The following MRE11 variants were observed in gnomAD, a reference collection of about 807,000 sequenced individuals.
MRE11 encodes the protein MRE11 double strand break repair nuclease.
Under a neutral mutation model 91.7 loss-of-function variants are expected in MRE11, and 62 were observed. The ratio of observed to expected loss-of-function variants is 0.68; its 90% CI spans 0.55 to 0.84. The LOEUF (loss-of-function observed/expected upper bound fraction) is 0.84, where lower values mean the gene tolerates loss of function less well. MRE11 is among the 40% of genes least tolerant of loss of function. The pLI, the probability that MRE11 is intolerant of heterozygous loss-of-function variation, is 0.00. For missense variants in MRE11, 796 were observed against 852.9 expected, an observed-to-expected ratio of 0.93 and a Z score of 0.83; for synonymous variants, 273 against 271.4, an observed-to-expected ratio of 1.01 and a Z score of -0.06.
upstream of MRE11, chr11:94,497,794 A>G (rs1482167718): frequency 1.2e-5 from 4 of 347,388 alleles, no homozygotes; most frequent in Middle Eastern, 7.7e-4. Flanking sequence ...CTTTTATGCA[A>G]TAAACCTTAG....
chr11:94,467,927 A>T (rs772627989), intron 9 of MRE11, 34 bp from the exon 10 acceptor site: 1 of 1,559,464 alleles, frequency 6.4e-7, no homozygotes, highest in Non-Finnish European at 8.8e-7. Context: ...AAAACAACGT[A>T]GTAAACTGAG....
At chr11:94,466,448 T>C (rs781710802) in intron 10 of MRE11, 1 of 525,862 alleles carries the variant, frequency 1.9e-6, no homozygotes, top group South Asian at 1.4e-5. Context: ...GATTACCTAC[T>C]GTGCAACAGA....
chr11:94,494,584 T>C (rs1378603847), upstream of MRE11, among the ~76,000 whole-genome samples: 2 of 152,104 alleles, frequency 1.3e-5, no homozygotes, highest in Non-Finnish European at 2.9e-5. Flanking sequence ...CCCTTTAAGT[T>C]AGGAAACATA....
chr11:94,486,405 C>T (rs1218213128), intron 3 of MRE11, among the ~76,000 whole-genome samples: 1 of 152,126 alleles, frequency 6.6e-6, no homozygotes, highest in African/African-American at 2.4e-5. Context: ...GGAAGAGATA[C>T]CAAATTCAAT....
At chr11:94,486,401 G>C (rs1056383405) in intron 3 of MRE11, among the ~76,000 whole-genome samples, 4 of 152,150 alleles carry the variant, frequency 2.6e-5, no homozygotes, top group Non-Finnish European at 5.9e-5. Context: ...TATGGGAAGA[G>C]ATACCAAATT....
At chr11:94,442,960 T>A (rs1026988864) in intron 16 of MRE11, among the ~76,000 whole-genome samples, 57 of 152,324 alleles carry the variant, frequency 3.7e-4, no homozygotes, top group African/African-American at 1.3e-3. Flanking sequence ...AGACAACATG[T>A]TTGTGAAGCA....
intron 14 of MRE11, among the ~76,000 whole-genome samples, chr11:94,449,558 C>T (rs540850193): frequency 1.3e-5 from 2 of 152,302 alleles, no homozygotes; most frequent in East Asian, 3.9e-4. Flanking sequence ...AGCCACTCTG[C>T]CTTCTTGTTT....
rs138209616 is a variant in MRE11, at chr11:94,456,723, G to C, written c.1501-385C>G. ...ATTGCAAATCACTCTTGTGCACCTT[G>C]CTGCAAGACATCCAGGAGGCTCTGT... On this transcript the variant is annotated intron_variant, in intron 13 of 19. Transcript: ENST00000323929. Among the ~76,000 whole-genome samples the C allele has an allele frequency of 8.9e-4, 135 of 152,256 alleles. No individual in the cohort carries two copies. In the East Asian group the frequency reaches 0.023, roughly 26 times the overall value.
chr11:94,497,303 ATAAG>A (rs200785314), upstream of MRE11: 15,079 of 427,282 alleles, frequency 0.035, 365 homozygotes, highest in Non-Finnish European at 0.048. Flanking sequence ...ATGTATCCCT[ATAAG>A]TAATATTCTT....
At chr11:94,434,967 T>C (rs1306858037) in intron 18 of MRE11, among the ~76,000 whole-genome samples, 1 of 152,238 alleles carries the variant, frequency 6.6e-6, no homozygotes, top group African/African-American at 2.4e-5. Flanking sequence ...ATTCTCATTA[T>C]TCGAGCTTTA....
chr11:94,481,801 A>C (rs1947019742), intron 4 of MRE11, among the ~76,000 whole-genome samples: 1 of 152,196 alleles, frequency 6.6e-6, no homozygotes, highest in Non-Finnish European at 1.5e-5. Context: ...TAGCATTGTT[A>C]TACTTCAAAT....
the MRE11 span, among the ~76,000 whole-genome samples, chr11:94,505,523 G>C: frequency 6.6e-6 from 1 of 152,140 alleles, no homozygotes; most frequent in Non-Finnish European, 1.5e-5. Context: ...TTGCATAGCT[G>C]TACAAGGTGT....
chr11:94,465,662 C>T (rs1946543371), intron 10 of MRE11, among the ~76,000 whole-genome samples: 1 of 152,158 alleles, frequency 6.6e-6, no homozygotes, highest in Non-Finnish European at 1.5e-5. Flanking sequence ...TCCCAAAGTG[C>T]TGGGATTACA....
chr11:94,508,693 A>G, the MRE11 span, among the ~76,000 whole-genome samples: 2 of 151,610 alleles, frequency 1.3e-5, no homozygotes, highest in African/African-American at 4.8e-5. Context: ...ATTATGTGGT[A>G]GTGTAGATAT....
intron 17 of MRE11, among the ~76,000 whole-genome samples, chr11:94,436,488 G>A (rs540236377): frequency 3.9e-5 from 6 of 152,172 alleles, no homozygotes; most frequent in Non-Finnish European, 7.3e-5. Context: ...AATACTGAAC[G>A]AACAGCCCCT....
At chr11:94,428,172 T>C (rs1200815474) in intron 19 of MRE11, among the ~76,000 whole-genome samples, 1 of 152,112 alleles carries the variant, frequency 6.6e-6, no homozygotes, top group African/African-American at 2.4e-5. Flanking sequence ...CAAAACAATA[T>C]GGTACTGGTA....
intron 9 of MRE11, among the ~76,000 whole-genome samples, chr11:94,469,199 G>A (rs1946644811): frequency 6.6e-6 from 1 of 152,136 alleles, no homozygotes. Context: ...ACAGGATTTA[G>A]GTGAAGTTCA....
At chr11:94,488,495 C>T (rs1947199291) in intron 3 of MRE11, among the ~76,000 whole-genome samples, 1 of 152,254 alleles carries the variant, frequency 6.6e-6, no homozygotes, top group South Asian at 2.1e-4. Context: ...CACAAAGACA[C>T]AGCACACATA....
In MRE11 at chr11:94,435,321, G is replaced by A. The variant is rs750824100; in HGVS notation, c.1994+511C>T. ...TGTAATCCAGGCACTTTGGGAGGTC[G>A]AGGTGGGTGGATCGCCTGAGCTCAG... On this transcript the variant is annotated intron_variant, in intron 18 of 19. Coordinates refer to ENST00000323929, the MANE Select transcript of MRE11 (RefSeq NM_005591.4). 1.9e-4 allele frequency among the ~76,000 whole-genome samples: 29 copies of A among 152,146 alleles called. 1 individual carries two copies. Among genetic ancestry groups the A allele is most frequent in the Non-Finnish European group, 3.7e-4 (25 of 68,028 alleles).
Sources: allele counts gnomAD v4.1 joint callset (sites outside exome capture counted in the v4.1 genomes callset), GRCh38; gene constraint gnomAD v4.1.1; transcripts MANE v1.5; gene names NCBI Gene and HGNC (gene_info 2026-07-23, HGNC 2026-07-21).